The following TRIM14 variants were observed in gnomAD, a reference collection of about 807,000 sequenced individuals.
The protein encoded by TRIM14 is tripartite motif-containing protein 14.
In TRIM14, 28 loss-of-function variants were observed where a neutral mutation model predicts 44.5. That is an observed-to-expected ratio of 0.63 (90% confidence interval 0.47 to 0.86). The LOEUF (loss-of-function observed/expected upper bound fraction) is 0.86. Among genes scored for constraint, TRIM14 ranks in the 40% least tolerant of loss-of-function variants. The probability of loss-of-function intolerance (pLI) is 0.00; values close to 1 mark genes in which losing one functional copy is unlikely to be tolerated. For missense variants in TRIM14, 607 were observed against 611.1 expected, an observed-to-expected ratio of 0.99 and a Z score of 0.07; for synonymous variants, 299 against 269.2, an observed-to-expected ratio of 1.11 and a Z score of -1.08.
At position 98,087,982 on chromosome 9, in the gene TRIM14, G is replaced by A. The variant is rs1251217592; in HGVS notation, c.817C>T (p.Pro273Ser). Residue 273 changes from proline to serine, a missense_variant, in exon 6 of 6, where the codon CCT (proline) becomes TCT (serine). Coordinates refer to ENST00000341469, the MANE Select transcript of TRIM14 (RefSeq NM_014788.4). Reference protein sequence around the residue: ...LKYARTPTLDPDTMHARLRLS... With the variant: ...LKYARTPTLDSDTMHARLRLS... ...CGCAGGCGCGCGTGCATCGTGTCAG[G>A]ATCCAGCGTGGGCGTGCGCGCGTCT... 3.9e-6 allele frequency: 6 copies of A among 1,556,120 alleles called. No homozygotes were observed. Among genetic ancestry groups the A allele is most frequent in the South Asian group, 1.2e-5 (1 of 86,672 alleles).
Position 98,093,896 on chromosome 9 carries a change from C to T in TRIM14, c.700+971G>A, listed in dbSNP as rs139697228. Among the ~76,000 whole-genome samples the T allele has an allele frequency of 9.9e-3, 1,502 of 152,246 alleles. 19 individuals carry two copies. The highest frequency in any genetic ancestry group is 0.034 in the African/African-American group (1,420 of 41,510). On this transcript the variant is annotated intron_variant, in intron 4 of 5. Transcript: ENST00000341469. ...GAGTAGCTGGGATTACAGGTGCATG[C>T]CACCATGCCTGGCTAATTTTTGTAT...
chr9:98,063,274 C>G, the TRIM14 span, among the ~76,000 whole-genome samples: 1 of 151,888 alleles, frequency 6.6e-6, no homozygotes, highest in Non-Finnish European at 1.5e-5. Context: ...GACAGAGTCT[C>G]ACTGTCTCCC....
chr9:98,077,417 C>A (rs1425387332), intron 6 of TRIM14, among the ~76,000 whole-genome samples: 4 of 151,164 alleles, frequency 2.6e-5, no homozygotes, highest in Admixed American at 6.6e-5. Flanking sequence ...TCTATGTTGC[C>A]CAGGTTGGTC....
intron 6 of TRIM14, among the ~76,000 whole-genome samples, chr9:98,070,704 G>A (rs1227542199): frequency 6.6e-6 from 1 of 152,018 alleles, no homozygotes; most frequent in Non-Finnish European, 1.5e-5. Flanking sequence ...ACAGGCATGA[G>A]CCATCGCGCC....
At chr9:98,104,301 C>A (rs1218193522) in intron 2 of TRIM14, among the ~76,000 whole-genome samples, 1 of 152,160 alleles carries the variant, frequency 6.6e-6, no homozygotes, top group African/African-American at 2.4e-5. Flanking sequence ...CACAGAGGAC[C>A]TTTGCAGAGA....
chr9:98,104,051 C>A (rs1263543559), intron 2 of TRIM14, among the ~76,000 whole-genome samples: 1 of 152,042 alleles, frequency 6.6e-6, no homozygotes, highest in East Asian at 1.9e-4. Flanking sequence ...ATGCTCCAGG[C>A]AGAGGATAGG....
downstream of TRIM14, chr9:98,081,159 G>T: frequency 1.9e-6 from 3 of 1,561,878 alleles, no homozygotes; most frequent in Non-Finnish European, 2.6e-6. Context: ...GGGATGGTCA[G>T]GACCAGCCCT....
intron 1 of TRIM14, among the ~76,000 whole-genome samples, chr9:98,114,161 T>C (rs1042215220): frequency 1.3e-5 from 2 of 152,230 alleles, no homozygotes; most frequent in African/African-American, 2.4e-5. Context: ...GTATTATTAA[T>C]GTGTTCCAAA....
downstream of TRIM14, chr9:98,083,033 A>G: frequency 6.2e-7 from 1 of 1,614,184 alleles, no homozygotes; most frequent in Non-Finnish European, 8.5e-7. Context: ...GTAGATAATC[A>G]TGGCAAAAAA....
rs955601187 is a variant in TRIM14 at position 98,087,572 on chromosome 9, G to A, written c.1227C>T (p.Gly409=). The change falls in exon 6 of 6, where the codon GGC becomes GGT. Residue 409 remains glycine (G), a synonymous_variant. Coordinates refer to ENST00000341469, the MANE Select transcript of TRIM14 (RefSeq NM_014788.4). The part of the protein sequence containing the change: ...AGVLAFYDVT[G]GMSHLHTFRA... ...GGAAGGTATGCAGGTGGCTCATGCC[G>A]CCCGTCACGTCGTAGAAGGCGAGGA... 1.9e-6 allele frequency: 3 copies of A among 1,596,664 alleles called. No homozygotes were observed. The highest frequency in any genetic ancestry group is 1.7e-5 in the Admixed American group (1 of 57,738).
chr9:98,109,286 C>G (rs1826750059), intron 2 of TRIM14, among the ~76,000 whole-genome samples: 1 of 128,274 alleles, frequency 7.8e-6, no homozygotes, highest in South Asian at 2.2e-4. Flanking sequence ...GAGGGAGCAA[C>G]AGGATGAAAG....
At chr9:98,066,241 G>A (rs1301316707), downstream of TRIM14, among the ~76,000 whole-genome samples, 1 of 152,176 alleles carries the variant, frequency 6.6e-6, no homozygotes, top group Non-Finnish European at 1.5e-5. Flanking sequence ...TTTCCAAAGT[G>A]TGGTTCAGGA....
At chr9:98,066,490 A>G (rs372322098), downstream of TRIM14, among the ~76,000 whole-genome samples, 295 of 152,230 alleles carry the variant, frequency 1.9e-3, no homozygotes, top group African/African-American at 6.8e-3. Context: ...AATTCACCCA[A>G]TCGAGGGTAC....
In TRIM14 at chr9:98,109,946, C is replaced by T; in HGVS notation, c.246G>A (p.Lys82=). 6.2e-7 allele frequency: 1 copy of T among 1,613,950 alleles called. No homozygotes were observed. Among genetic ancestry groups the T allele is most frequent in the East Asian group, 2.2e-5 (1 of 44,876 alleles). ...SQECLKQLAI[K]KQQHIDNITQ... is the part of the protein sequence containing the mutation. ...TTATGTTGTCAATGTGCTGCTGCTT[C>T]TTGATTGCCAGCTGCTTTAAACATT... The change falls in exon 2 of 6, where the codon AAG becomes AAA. Residue 82 remains lysine (K), a synonymous_variant. Transcript: ENST00000341469.
At chr9:98,101,143 T>C (rs1826373995) in intron 2 of TRIM14, among the ~76,000 whole-genome samples, 1 of 151,902 alleles carries the variant, frequency 6.6e-6, no homozygotes, top group African/African-American at 2.4e-5. Context: ...ACATAGGTAA[T>C]TTTGTATTTT....
intron 6 of TRIM14, chr9:98,076,826 G>C: frequency 1.0e-6 from 1 of 992,258 alleles, no homozygotes; most frequent in Non-Finnish European, 1.5e-6. Flanking sequence ...CTAAGATGAG[G>C]GGTTTTTCTA....
At chr9:98,103,560 T>A (rs62575602) in intron 2 of TRIM14, among the ~76,000 whole-genome samples, 1 of 152,104 alleles carries the variant, frequency 6.6e-6, no homozygotes, top group East Asian at 1.9e-4. Flanking sequence ...ACACTAAAGC[T>A]GGGCACGGTG....
At chr9:98,071,325 A>G (rs1292684301) in intron 6 of TRIM14, among the ~76,000 whole-genome samples, 1 of 152,198 alleles carries the variant, frequency 6.6e-6, no homozygotes, top group Non-Finnish European at 1.5e-5. Flanking sequence ...TACCCGGGCT[A>G]TATGGCCCAG....
chr9:98,059,373 G>A, the TRIM14 span, among the ~76,000 whole-genome samples: 7 of 152,036 alleles, frequency 4.6e-5, no homozygotes, highest in African/African-American at 9.7e-5. Context: ...AGAAATGGCC[G>A]TGAGATGGGA....
Sources: allele counts gnomAD v4.1 joint callset (sites outside exome capture counted in the v4.1 genomes callset), GRCh38; gene constraint gnomAD v4.1.1; transcripts MANE v1.5; gene names NCBI Gene and HGNC (gene_info 2026-07-23, HGNC 2026-07-21).